The following PTPRD variants were observed in gnomAD, a reference collection of about 807,000 sequenced individuals.
The protein encoded by PTPRD is protein tyrosine phosphatase receptor type D.
PTPRD carries 34 observed loss-of-function variants against 214.5 expected under a neutral mutation model. That is an observed-to-expected ratio of 0.16 (90% CI 0.12 to 0.21). The LOEUF (loss-of-function observed/expected upper bound fraction) is 0.21. PTPRD is among the 10% of genes least tolerant of loss of function. The probability of loss-of-function intolerance (pLI) is 1.00; values close to 1 mark genes in which losing one functional copy is unlikely to be tolerated. For missense variants in PTPRD, 2,545 were observed against 2,398.7 expected (o/e 1.06, Z -1.27); for synonymous variants, 1,128 against 845.7 (o/e 1.33, Z -5.79).
chr9:8,804,347 C>T (rs1332420172), intron 11 of PTPRD, among the ~76,000 whole-genome samples: 1 of 151,926 alleles, frequency 6.6e-6, no homozygotes, highest in Non-Finnish European at 1.5e-5. Flanking sequence ...CTTGCAATCC[C>T]AGCATTTTGG....
chr9:8,446,656 C>A (rs756143340), intron 34 of PTPRD, among the ~76,000 whole-genome samples: 1 of 151,962 alleles, frequency 6.6e-6, no homozygotes, highest in Non-Finnish European at 1.5e-5. Context: ...TATTCTCAAG[C>A]GTTATAATGT....
intron 41 of PTPRD, 117 bp downstream of exon 41, chr9:8,340,973 G>T: frequency 9.8e-7 from 1 of 1,023,716 alleles, no homozygotes; most frequent in Admixed American, 2.7e-5. Flanking sequence ...GGGACTAAAT[G>T]ATGACCTATG....
chr9:10,509,237 A>C (rs865870957), intron 2 of PTPRD, among the ~76,000 whole-genome samples: 9 of 151,764 alleles, frequency 5.9e-5, no homozygotes, highest in Non-Finnish European at 1.2e-4. Context: ...TGTAATAATG[A>C]TTTCTATTTT....
At chr9:10,198,515 T>A (rs2099406972) in intron 3 of PTPRD, among the ~76,000 whole-genome samples, 1 of 152,124 alleles carries the variant, frequency 6.6e-6, no homozygotes, top group African/African-American at 2.4e-5. Context: ...ACAGGACATT[T>A]GATGCCTGAA....
At chr9:10,211,567 C>T (rs2099517002) in intron 3 of PTPRD, among the ~76,000 whole-genome samples, 1 of 152,126 alleles carries the variant, frequency 6.6e-6, no homozygotes, top group Admixed American at 6.5e-5. Flanking sequence ...TCTCTGCCAA[C>T]AGAGGTGCTC....
chr9:9,085,524 C>G (rs2099765793), intron 10 of PTPRD, among the ~76,000 whole-genome samples: 1 of 151,996 alleles, frequency 6.6e-6, no homozygotes. Context: ...GATCCATTTC[C>G]AAACAGTTTA....
At chr9:9,151,370 C>T (rs180766035) in intron 10 of PTPRD, among the ~76,000 whole-genome samples, 1 of 152,162 alleles carries the variant, frequency 6.6e-6, no homozygotes, top group Admixed American at 6.6e-5. Flanking sequence ...TCACAGATCA[C>T]ATAATCAGAC....
At chr9:10,224,880 T>C (rs2099583733) in intron 3 of PTPRD, among the ~76,000 whole-genome samples, 1 of 152,092 alleles carries the variant, frequency 6.6e-6, no homozygotes, top group African/African-American at 2.4e-5. Context: ...TTAATAACAT[T>C]TTCTTTTCTC....
chr9:10,436,936 A>G (rs1009754971), intron 2 of PTPRD, among the ~76,000 whole-genome samples: 23 of 151,822 alleles, frequency 1.5e-4, no homozygotes, highest in African/African-American at 5.6e-4. Context: ...CAAGATGTCC[A>G]CTTACATGTG....
Position 8,783,825 on chromosome 9 carries a change from A to G in PTPRD, c.-103-49879T>C, listed in dbSNP as rs77185188. Among the ~76,000 whole-genome samples, 1,114 of 152,300 alleles carry G rather than the reference A, an allele frequency of 7.3e-3. 10 individuals are homozygous for G. The highest frequency in any genetic ancestry group is 0.025 in the African/African-American group (1,020 of 41,562). The stretch of plus-strand genomic sequence containing the variant: ...AGATAGAGCAGGAGGGCAGGTAAAG[A>G]AGACATATTACCCTCCAAAAAAGAA... On this transcript the variant is annotated intron_variant, in intron 11 of 45. Coordinates refer to ENST00000381196, the MANE Select transcript of PTPRD (RefSeq NM_002839.4).
intron 3 of PTPRD, among the ~76,000 whole-genome samples, chr9:10,108,932 G>A (rs149527603): frequency 6.6e-6 from 1 of 151,236 alleles, no homozygotes; most frequent in Non-Finnish European, 1.5e-5. Flanking sequence ...TCAGCCTATT[G>A]TTGAGAAAGT....
At chr9:9,494,342 T>C (rs746463115) in intron 8 of PTPRD, among the ~76,000 whole-genome samples, 14 of 152,182 alleles carry the variant, frequency 9.2e-5, no homozygotes, top group Non-Finnish European at 1.6e-4. Context: ...CTGGGTAAAA[T>C]GATATCAAAC....
At chr9:9,517,167 C>T (rs1257499628) in intron 8 of PTPRD, among the ~76,000 whole-genome samples, 1 of 151,992 alleles carries the variant, frequency 6.6e-6, no homozygotes, top group Non-Finnish European at 1.5e-5. Context: ...ATTCTCATAA[C>T]TTGTGAGGCA....
intron 17 of PTPRD, 21 bp from the exon 18 acceptor site, chr9:8,525,056 T>C (rs377680453): frequency 6.3e-7 from 1 of 1,586,054 alleles, no homozygotes; most frequent in Non-Finnish European, 8.7e-7. Context: ...ATAAAATATA[T>C]TGCCAAAGAG....
chr9:10,149,366 C>A (rs1447306393), intron 3 of PTPRD, among the ~76,000 whole-genome samples: 2 of 152,144 alleles, frequency 1.3e-5, no homozygotes, highest in Non-Finnish European at 2.9e-5. Flanking sequence ...TTTGTGTGTA[C>A]AAAAAGTTTT....
At chr9:9,791,261 G>GA (rs1323258621) in intron 5 of PTPRD, among the ~76,000 whole-genome samples, 1 of 151,986 alleles carries the variant, frequency 6.6e-6, no homozygotes, top group Non-Finnish European at 1.5e-5. Context: ...CTTTAAAAAT[G>GA]AAAAAGGTGT....
chr9:10,592,143 T>C (rs1427589945), intron 2 of PTPRD, among the ~76,000 whole-genome samples: 1 of 152,020 alleles, frequency 6.6e-6, no homozygotes. Context: ...AGAAAGTTAT[T>C]TTGCCAAAAC....
At chr9:9,019,288 G>GAAAGAAAGAAAGAAAGAAAGAAAGA in intron 10 of PTPRD, among the ~76,000 whole-genome samples, 1 of 28,242 alleles carries the variant, frequency 3.5e-5, no homozygotes, top group African/African-American at 1.1e-4. Context: ...AAAGAAGAAA[G>GAAAGAAAGAAAGAAAGAAAGAAAGA]AAAGAAAGAA....
chr9:10,082,561 G>C (rs1365420216), intron 3 of PTPRD, among the ~76,000 whole-genome samples: 4 of 151,986 alleles, frequency 2.6e-5, no homozygotes, highest in African/African-American at 9.7e-5. Flanking sequence ...GAGAGGGAAA[G>C]GCAGAGAGGT....
Sources: gnomAD v4.1 joint callset for allele counts (sites outside exome capture counted in the v4.1 genomes callset) on GRCh38, gnomAD v4.1.1 for gene constraint, MANE v1.5 for transcripts, NCBI Gene and HGNC (gene_info 2026-07-23, HGNC 2026-07-21) for gene names.